Variants in GNE observed in about 807,000 individuals in gnomAD.
GNE encodes bifunctional UDP-N-acetylglucosamine 2-epimerase/N-acetylmannosamine kinase.
GNE carries 41 observed loss-of-function variants against 61.8 expected under a neutral mutation model. The ratio of observed to expected loss-of-function variants is 0.66; its 90% CI spans 0.52 to 0.86. The LOEUF is 0.86. GNE is among the 40% of genes least tolerant of loss of function. The probability of loss-of-function intolerance (pLI) is 0.00; values close to 1 mark genes in which losing one functional copy is unlikely to be tolerated. For missense variants in GNE, 608 were observed against 909.1 expected (o/e 0.67, Z 4.26); for synonymous variants, 264 against 326.4 (o/e 0.81, Z 2.06).
chr9:36,254,086 TC>T (rs1830229040), intron 1 of GNE, among the ~76,000 whole-genome samples: 1 of 151,906 alleles, frequency 6.6e-6, no homozygotes, highest in Non-Finnish European at 1.5e-5. Flanking sequence ...GTGCCTGTAA[TC>T]CCAGCTGCTT....
Position 36,229,089 on chromosome 9 carries a change from G to A in GNE, c.1002C>T (p.Val334=). The change falls in exon 6 of 12, where the codon GTC becomes GTT. Residue 334 remains valine (V), a synonymous_variant. Transcript: ENST00000642385. ...GRETGENVLH[V]RDADTQDKIL... ...TTTTGTCTTGGGTGTCAGCATCCCGGACATGAAGAACATTCTCCCCTAGGT... is the reference window on the plus strand; with the variant it reads ...TTTTGTCTTGGGTGTCAGCATCCCGAACATGAAGAACATTCTCCCCTAGGT... 1 of 1,607,096 alleles carries A rather than the reference G, an allele frequency of 6.2e-7. No individual in the cohort carries two copies. The highest frequency in any genetic ancestry group is 8.5e-7 in the Non-Finnish European group (1 of 1,173,688).
chr9:36,239,460 T>G (rs1294955718), intron 3 of GNE, among the ~76,000 whole-genome samples: 1 of 151,884 alleles, frequency 6.6e-6, no homozygotes, highest in Non-Finnish European at 1.5e-5. Context: ...TTTCTATCTT[T>G]CTTTCTTTTT....
At chr9:36,265,133 G>A in intron 1 of GNE, 1 of 297,914 alleles carries the variant, frequency 3.4e-6, no homozygotes, top group Non-Finnish European at 6.7e-6. Flanking sequence ...CGATCGGGCT[G>A]AAGGCTTGCC....
At chr9:36,230,761 G>A (rs1413812479) in intron 5 of GNE, among the ~76,000 whole-genome samples, 2 of 150,868 alleles carry the variant, frequency 1.3e-5, no homozygotes, top group African/African-American at 2.4e-5. Flanking sequence ...CTGGGTTCAC[G>A]CTAAAATTTT....
chr9:36,232,336 GCC>G (rs1160683679), intron 5 of GNE, among the ~76,000 whole-genome samples: 1 of 84,882 alleles, frequency 1.2e-5, no homozygotes, highest in Non-Finnish European at 2.4e-5. Context: ...TTGCCCCCCC[GCC>G]CCCCCTCCCG....
chr9:36,257,408 G>A, intron 1 of GNE, among the ~76,000 whole-genome samples: 1 of 152,162 alleles, frequency 6.6e-6, no homozygotes, highest in Non-Finnish European at 1.5e-5. Flanking sequence ...CGCTCCTACA[G>A]TTGGGTTAAC....
intron 1 of GNE, among the ~76,000 whole-genome samples, chr9:36,256,709 A>G (rs1830366010): frequency 6.6e-6 from 1 of 152,246 alleles, no homozygotes; most frequent in African/African-American, 2.4e-5. Context: ...TCAAATAAAA[A>G]TAATGAACAC....
intron 5 of GNE, among the ~76,000 whole-genome samples, chr9:36,231,699 C>T (rs1376141407): frequency 1.3e-5 from 2 of 152,150 alleles, no homozygotes; most frequent in Admixed American, 1.3e-4. Context: ...AGCTGCCATC[C>T]ACTGAGAAAG....
intron 6 of GNE, among the ~76,000 whole-genome samples, chr9:36,228,467 T>C (rs1328429180): frequency 6.6e-6 from 1 of 152,004 alleles, no homozygotes; most frequent in Non-Finnish European, 1.5e-5. Context: ...GTTAAATAAG[T>C]GTAGCAAAAG....
At chr9:36,242,093 G>A (rs1206348247) in intron 3 of GNE, among the ~76,000 whole-genome samples, 3 of 151,696 alleles carry the variant, frequency 2.0e-5, no homozygotes, top group Non-Finnish European at 4.4e-5. Flanking sequence ...TCGAGACTGC[G>A]CTAATGCACT....
chr9:36,261,836 T>C (rs1398723254), upstream of GNE, among the ~76,000 whole-genome samples: 1 of 149,234 alleles, frequency 6.7e-6, no homozygotes, highest in East Asian at 2.0e-4. Context: ...GGCAGGAGAA[T>C]GGCGTGAACC....
At chr9:36,232,580 A>ACTGG in intron 5 of GNE, among the ~76,000 whole-genome samples, 1 of 152,140 alleles carries the variant, frequency 6.6e-6, no homozygotes, top group South Asian at 2.1e-4. Flanking sequence ...CGGCCCTCAC[A>ACTGG]CTGGCTGTTG....
chr9:36,222,704 C>T (rs1828655312), intron 9 of GNE, 73 bp downstream of exon 9: 2 of 1,035,310 alleles, frequency 1.9e-6, no homozygotes, highest in African/African-American at 1.6e-5. Context: ...GAGTTGTAAC[C>T]ACCTGACCAT....
At chr9:36,230,631 A>C (rs554380125) in intron 5 of GNE, among the ~76,000 whole-genome samples, 1 of 146,884 alleles carries the variant, frequency 6.8e-6, no homozygotes, top group Non-Finnish European at 1.5e-5. Context: ...TAATTTTAAA[A>C]TTTTTTTGTA....
rs1050045705 is a variant in GNE at position 36,258,301 on chromosome 9, C to T, written c.-43+20G>A. 20 of 984,966 alleles carry T rather than the reference C, an allele frequency of 2.0e-5. No individual in the cohort carries two copies. Among genetic ancestry groups the T allele is most frequent in the Non-Finnish European group, 2.4e-5 (20 of 829,618 alleles). 61.0% of individuals were successfully genotyped at this position (984,966 alleles called of 1,614,324 possible). On this transcript the variant is annotated intron_variant, in intron 1 of 11. Transcript: ENST00000642385. Reference sequence around the variant, plus strand: ...GGCAGGATGCTCTCCCGGAGTCCCACGCCGCCGCGCGGCTCTCACCAGACG... The same window carrying T: ...GGCAGGATGCTCTCCCGGAGTCCCATGCCGCCGCGCGGCTCTCACCAGACG...
intron 1 of GNE, among the ~76,000 whole-genome samples, chr9:36,274,115 T>TGTGTGA (rs1273335048): frequency 1.4e-5 from 2 of 144,566 alleles, no homozygotes; most frequent in South Asian, 2.2e-4. Flanking sequence ...TGTGTGTGTG[T>TGTGTGA]GACAGGGTCT....
chr9:36,246,587 AATAAATAAATTGAAGTATAACTTACAAAC>A, intron 2 of GNE, 105 bp from the exon 3 acceptor site: 2 of 715,944 alleles, frequency 2.8e-6, no homozygotes. Flanking sequence ...GAAACATTAA[AATAAATAAATTGAAGTATAACTTACAAAC>A]ATAAAAAGCA....
upstream of GNE, among the ~76,000 whole-genome samples, chr9:36,260,607 C>T (rs1283789357): frequency 2.0e-5 from 3 of 151,992 alleles, no homozygotes; most frequent in South Asian, 2.1e-4. Context: ...CGGTGGCTCA[C>T]GCCTGTAATC....
intron 1 of GNE, among the ~76,000 whole-genome samples, chr9:36,266,887 A>G (rs995887677): frequency 1.3e-5 from 2 of 151,626 alleles, no homozygotes; most frequent in African/African-American, 2.4e-5. Flanking sequence ...TGACAAAGTA[A>G]GACTCCGTCT....
Sources: allele counts gnomAD v4.1 joint callset (sites outside exome capture counted in the v4.1 genomes callset), GRCh38; gene constraint gnomAD v4.1.1; transcripts MANE v1.5; gene names NCBI Gene and HGNC (gene_info 2026-07-23, HGNC 2026-07-21).